The following ATF6 variants were observed in gnomAD, a reference collection of about 807,000 sequenced individuals.
The protein encoded by ATF6 is cyclic AMP-dependent transcription factor ATF-6 alpha.
In ATF6, 53 loss-of-function variants were observed where a neutral mutation model predicts 83.6. That is an observed-to-expected ratio of 0.63 (90% CI 0.51 to 0.80). The LOEUF (loss-of-function observed/expected upper bound fraction) is 0.80, where lower values mean the gene tolerates loss of function less well. Ranked by LOEUF, ATF6 falls within the 30% of genes least tolerant of loss-of-function variation. The pLI is 0.00. For synonymous variants in ATF6, 288 were observed against 285.8 expected, an observed-to-expected ratio of 1.01 and a Z score of -0.08; for missense variants, 744 against 797.9, an observed-to-expected ratio of 0.93 and a Z score of 0.81.
At position 161,827,648 on chromosome 1, in the gene ATF6, GA is replaced by G. The variant is rs199515359; in HGVS notation, c.1187+6499del. 6.2e-3 allele frequency among the ~76,000 whole-genome samples: 869 copies of G among 140,192 alleles called. 3 individuals are homozygous for G. The highest frequency in any genetic ancestry group is 9.6e-3 in the Non-Finnish European group (609 of 63,590). The allele number at this position is 140,192 out of a possible 152,430, so 92.0% of individuals were successfully genotyped here. On this transcript the variant is annotated intron_variant, in intron 9 of 15. Transcript: ENST00000367942. ...TGTGCCTTATTGGTATGGGCCAAATGAAAAAAAAAAAATAAAACACACAAGT... is the reference window on the plus strand; with the variant it reads ...TGTGCCTTATTGGTATGGGCCAAATGAAAAAAAAAAATAAAACACACAAGT...
intron 15 of ATF6, among the ~76,000 whole-genome samples, chr1:161,944,228 C>G (rs1459478371): frequency 6.6e-6 from 1 of 152,130 alleles, no homozygotes. Context: ...GTAATTTGCA[C>G]TTTTAAAATA....
Position 161,819,701 on chromosome 1 carries a change from G to T in ATF6, c.978G>T (p.Lys326Asn), listed in dbSNP as rs1401601185. 3.7e-6 allele frequency: 6 copies of T among 1,613,064 alleles called. No homozygotes were observed. The highest frequency in any genetic ancestry group is 1.7e-5 in the Admixed American group (1 of 59,862). Reference protein sequence around the residue: ...NRESACQSRKKKKEYMLGLEA... With the variant: ...NRESACQSRKNKKEYMLGLEA... ...AATCCGCTTGTCAGTCTCGCAAGAA[G>T]AAGAAAGAATATATGCTAGGGTTAG... Residue 326 changes from lysine to asparagine, a missense_variant, in exon 8 of 16, where the codon AAG becomes AAT. Lys to Asn is a moderately conservative substitution (Grantham distance 94, BLOSUM62 0). Coordinates refer to ENST00000367942, the MANE Select transcript of ATF6 (RefSeq NM_007348.4).
chr1:161,937,475 T>A (rs369247442), intron 15 of ATF6, among the ~76,000 whole-genome samples: 10 of 152,072 alleles, frequency 6.6e-5, no homozygotes, highest in Admixed American at 2.0e-4. Flanking sequence ...TATGTTGAAA[T>A]CTCTTCACTA....
At chr1:161,925,320 A>G (rs1341053401) in intron 15 of ATF6, among the ~76,000 whole-genome samples, 1 of 152,182 alleles carries the variant, frequency 6.6e-6, no homozygotes, top group Non-Finnish European at 1.5e-5. Flanking sequence ...TTCTAGTTAC[A>G]TCATACATTG....
At chr1:161,899,103 G>A (rs1055918365) in intron 14 of ATF6, among the ~76,000 whole-genome samples, 2 of 152,148 alleles carry the variant, frequency 1.3e-5, no homozygotes, top group African/African-American at 4.8e-5. Flanking sequence ...ACAATGTTGA[G>A]ACATCTACAA....
chr1:161,916,211 C>T lies in ATF6; in HGVS notation c.1804+3831C>T, dbSNP rs898028858. Among the ~76,000 whole-genome samples, 17 of 152,154 alleles carry T rather than the reference C, an allele frequency of 1.1e-4. 1 individual carries two copies. Among genetic ancestry groups the T allele is most frequent in the Non-Finnish European group, 2.9e-5 (2 of 68,030 alleles). ...TGTCTCCATGGTCATCTTACTTGAC[C>T]TCTCAACAGTATTTGACACAGCTAA... is the stretch of plus-strand genomic sequence containing the variant. On this transcript the variant is annotated intron_variant, in intron 15 of 15. Transcript: ENST00000367942.
At chr1:161,907,588 C>A (rs530639869) in intron 14 of ATF6, among the ~76,000 whole-genome samples, 129 of 152,256 alleles carry the variant, frequency 8.5e-4, no homozygotes, top group African/African-American at 2.9e-3. Context: ...AAATAACATT[C>A]CTTTCTATTA....
At chr1:161,912,419 C>T in intron 15 of ATF6, 39 bp downstream of exon 15, 1 of 1,411,198 alleles carries the variant, frequency 7.1e-7, no homozygotes, top group South Asian at 1.2e-5. Context: ...TATGAGATTT[C>T]TTTGTTTAAC....
At position 161,825,419 on chromosome 1, in the gene ATF6, C is replaced by T. The variant is rs192609793; in HGVS notation, c.1187+4258C>T. On this transcript the variant is annotated intron_variant, in intron 9 of 15. Transcript: ENST00000367942. The stretch of plus-strand genomic sequence containing the variant: ...AAGGGCTGAGTATCCAAAGACTGCC[C>T]CTGACTTCAGTCACCAGTTGCAAGT... 2.4e-3 allele frequency among the ~76,000 whole-genome samples: 359 copies of T among 152,292 alleles called. 3 individuals are homozygous for T. The highest frequency in any genetic ancestry group is 8.3e-3 in the African/African-American group (343 of 41,550).
rs112865598 is a variant in ATF6 at position 161,896,057 on chromosome 1, C to T, written c.1720-16239C>T. 2.3e-3 allele frequency among the ~76,000 whole-genome samples: 351 copies of T among 152,338 alleles called. 3 individuals carry two copies. Among genetic ancestry groups the T allele is most frequent in the African/African-American group, 7.9e-3 (327 of 41,566 alleles). ...CTGCTAACACATAGAAATAACTGCT[C>T]ACCTTGAACTGAAATTATCCATGGG... is the stretch of plus-strand genomic sequence containing the variant. On this transcript the variant is annotated intron_variant, in intron 14 of 15. Coordinates refer to ENST00000367942, the MANE Select transcript of ATF6 (RefSeq NM_007348.4).
At chr1:161,778,462 G>A in intron 2 of ATF6, 142 bp downstream of exon 2, 2 of 626,738 alleles carry the variant, frequency 3.2e-6, no homozygotes, top group South Asian at 2.0e-5. Context: ...AAGTATGAAA[G>A]TTAGTAGCCA....
At chr1:161,779,616 A>T (rs1368804847) in intron 2 of ATF6, among the ~76,000 whole-genome samples, 1 of 152,248 alleles carries the variant, frequency 6.6e-6, no homozygotes, top group African/African-American at 2.4e-5. Context: ...AGATTGAGTC[A>T]GAAGTTTCCT....
chr1:161,953,897 A>G (rs1236615209), intron 15 of ATF6, among the ~76,000 whole-genome samples: 1 of 152,196 alleles, frequency 6.6e-6, no homozygotes, highest in Non-Finnish European at 1.5e-5. Context: ...GTATTTTAAC[A>G]TTATTCAATT....
chr1:161,894,936 T>A (rs1326387322), intron 14 of ATF6, among the ~76,000 whole-genome samples: 2 of 152,074 alleles, frequency 1.3e-5, no homozygotes, highest in Non-Finnish European at 2.9e-5. Flanking sequence ...GTGTGATCAA[T>A]TTAAGTGATT....
intron 15 of ATF6, among the ~76,000 whole-genome samples, chr1:161,930,825 C>T (rs1169268405): frequency 1.3e-5 from 2 of 151,952 alleles, no homozygotes; most frequent in African/African-American, 2.4e-5. Flanking sequence ...TCTGGAATGA[C>T]GTGAAGGAAT....
At chr1:161,954,371 CACATAT>C (rs1221496935) in intron 15 of ATF6, among the ~76,000 whole-genome samples, 1 of 152,122 alleles carries the variant, frequency 6.6e-6, no homozygotes, top group Non-Finnish European at 1.5e-5. Context: ...GGGATTCAGG[CACATAT>C]ACAGCAGCAC....
At chr1:161,823,979 A>T (rs574257577) in intron 9 of ATF6, among the ~76,000 whole-genome samples, 3 of 152,286 alleles carry the variant, frequency 2.0e-5, no homozygotes, top group South Asian at 4.1e-4. Context: ...TATGTGTATG[A>T]TAGAATCTAG....
At chr1:161,905,441 A>T (rs1050018854) in intron 14 of ATF6, among the ~76,000 whole-genome samples, 1 of 152,192 alleles carries the variant, frequency 6.6e-6, no homozygotes, top group Non-Finnish European at 1.5e-5. Flanking sequence ...TACTGTAGTC[A>T]TAGAGCCTCC....
At position 161,877,060 on chromosome 1, in the gene ATF6, TC is replaced by T. The variant is rs572687993; in HGVS notation, c.1719+13750del. Among the ~76,000 whole-genome samples, 201 of 152,044 alleles carry T rather than the reference TC, an allele frequency of 1.3e-3. 1 individual carries two copies. Among genetic ancestry groups the T allele is most frequent in the Non-Finnish European group, 2.1e-3 (146 of 67,930 alleles). On this transcript the variant is annotated intron_variant, in intron 14 of 15. Coordinates refer to ENST00000367942, the MANE Select transcript of ATF6 (RefSeq NM_007348.4). ...TTAGATAGAAGTTTCAGTAGTGGAG[TC>T]CATATAACTAAGCTCCATAATAATG...
Sources: allele counts gnomAD v4.1 joint callset (sites outside exome capture counted in the v4.1 genomes callset), GRCh38; gene constraint gnomAD v4.1.1; transcripts MANE v1.5; gene names NCBI Gene and HGNC (gene_info 2026-07-23, HGNC 2026-07-21).